The following PSMA1 variants were observed in gnomAD, a reference collection of about 807,000 sequenced individuals.
PSMA1 encodes proteasome 20S subunit alpha 1, also known as proteasome subunit alpha type-1.
In PSMA1, 3 loss-of-function variants were observed where a neutral mutation model predicts 38.4. That is an observed-to-expected ratio of 0.08 (90% CI 0.04 to 0.20). The LOEUF (loss-of-function observed/expected upper bound fraction) is 0.20, where lower values mean the gene tolerates loss of function less well. Ranked by LOEUF, PSMA1 falls within the 10% of genes least tolerant of loss-of-function variation. PSMA1 has a pLI of 1.00. For synonymous variants in PSMA1, 101 were observed against 107.1 expected, an observed-to-expected ratio of 0.94 and a Z score of 0.35; for missense variants, 227 against 325.3, an observed-to-expected ratio of 0.70 and a Z score of 2.32.
Position 14,584,493 on chromosome 11 carries a change from TTTTTTTG to T in PSMA1, c.21+26466_21+26472del, listed in dbSNP as rs1211103944. 6.0e-3 allele frequency among the ~76,000 whole-genome samples: 900 copies of T among 148,976 alleles called. 11 individuals carry two copies. The highest frequency in any genetic ancestry group is 0.02 in the African/African-American group (810 of 39,542). ...TATGTGATAATATGGTTTGGAGTGT[TTTTTTTG>T]TTTTTTGTTTTTTTTTTTTTTTTTT... On this transcript the variant is annotated intron_variant, in intron 2 of 10. Coordinates refer to the PSMA1 transcript ENST00000418988.
At chr11:14,511,098 A>G in intron 7 of PSMA1, 147 bp from the exon 8 acceptor site, 1 of 452,694 alleles carries the variant, frequency 2.2e-6, no homozygotes. Context: ...TGCTAGTCAT[A>G]TAATCTTTTA....
intron 1 of PSMA1, among the ~76,000 whole-genome samples, chr11:14,640,032 T>C (rs954833613): frequency 1.3e-5 from 2 of 152,176 alleles, no homozygotes. Flanking sequence ...ATCTTTGTCA[T>C]CTAGCACAGT....
chr11:14,567,766 C>A (rs186337147), intron 2 of PSMA1, among the ~76,000 whole-genome samples: 1 of 152,122 alleles, frequency 6.6e-6, no homozygotes, highest in African/African-American at 2.4e-5. Flanking sequence ...TTTAGTGCCA[C>A]GTTTTTCTCA....
exon 1 of PSMA1, chr11:14,643,525 G>C (rs569749084): frequency 6.6e-6 from 1 of 152,310 alleles, no homozygotes; most frequent in Non-Finnish European, 1.5e-5. Context: ...AGATGACCTC[G>C]TCCTTCTCTT....
Position 14,526,597 on chromosome 11 carries a change from T to C in PSMA1, c.22-7556A>G, listed in dbSNP as rs189895856. 5.3e-5 allele frequency among the ~76,000 whole-genome samples: 8 copies of C among 152,286 alleles called. No homozygotes were observed. In the East Asian group the frequency reaches 1.5e-3, roughly 29 times the overall value. ...TATTTTCTTCCTCACACCTGACGCA[T>C]ATACTTTCTGCTCCCCAGATCCTTC... is the stretch of plus-strand genomic sequence containing the variant. On this transcript the variant is annotated intron_variant, in intron 2 of 10. Coordinates refer to the PSMA1 transcript ENST00000418988.
At chr11:14,548,191 T>A (rs952117414) in intron 2 of PSMA1, among the ~76,000 whole-genome samples, 1 of 152,236 alleles carries the variant, frequency 6.6e-6, no homozygotes, top group Non-Finnish European at 1.5e-5. Context: ...TTTCTATTTA[T>A]TTATTTTTTA....
intron 1 of PSMA1, among the ~76,000 whole-genome samples, chr11:14,635,373 C>A (rs1020599114): frequency 2.0e-5 from 3 of 152,044 alleles, no homozygotes; most frequent in Non-Finnish European, 4.4e-5. Context: ...ATATAGTTAC[C>A]AAAGCACCAG....
At chr11:14,507,354 G>A (rs1851261102) in intron 9 of PSMA1, among the ~76,000 whole-genome samples, 1 of 152,044 alleles carries the variant, frequency 6.6e-6, no homozygotes, top group Non-Finnish European at 1.5e-5. Flanking sequence ...TTTTAGTAGA[G>A]ACGGGGTTTC....
chr11:14,623,430 T>C (rs1036103311), intron 1 of PSMA1, among the ~76,000 whole-genome samples: 4 of 152,184 alleles, frequency 2.6e-5, no homozygotes, highest in African/African-American at 7.2e-5. Context: ...CACCTAGTCA[T>C]TGACTTCTTG....
Position 14,513,562 on chromosome 11 carries a change from TC to T in PSMA1, c.544+7del. On this transcript the variant is annotated splice_region_variant and intron_variant, in intron 7 of 9. Transcript: ENST00000396394. The stretch of plus-strand genomic sequence containing the variant: ...AAAAAAAAAAAAAAAAGCAAGGCTG[TC>T]ACTTACACTCCATAAATTCAGACAT... 6.9e-7 allele frequency: 1 copy of T among 1,458,408 alleles called. No homozygotes were observed. 90.3% of individuals were successfully genotyped at this position (1,458,408 alleles called of 1,614,324 possible). A position where few individuals can be genotyped will look rare whatever the true frequency, so the allele number is the denominator to read the frequency against.
At chr11:14,556,672 A>AT (rs1022228370) in intron 2 of PSMA1, among the ~76,000 whole-genome samples, 4 of 151,910 alleles carry the variant, frequency 2.6e-5, no homozygotes, top group Non-Finnish European at 4.4e-5. Flanking sequence ...TTGAGAAAAA[A>AT]TTTTTTTGAC....
intron 1 of PSMA1, among the ~76,000 whole-genome samples, chr11:14,628,931 T>C (rs1235121386): frequency 3.0e-4 from 45 of 151,428 alleles, no homozygotes; most frequent in Non-Finnish European, 8.8e-5. Context: ...TGATGAGCAT[T>C]TTTTCATGTG....
Position 14,520,364 on chromosome 11 carries a change from G to C in PSMA1, c.-65C>G, listed in dbSNP as rs1851508832. On this transcript the variant is annotated 5_prime_UTR_variant, in exon 1 of 10. Coordinates refer to ENST00000396394, the MANE Select transcript of PSMA1 (RefSeq NM_002786.4). ...GAGAATCAAGGAGGTGCTGCCGAAAGTATCGCTCAGCGATCTACAGAGAAG... is the reference window on the plus strand; with the variant it reads ...GAGAATCAAGGAGGTGCTGCCGAAACTATCGCTCAGCGATCTACAGAGAAG... 1.2e-6 allele frequency: 2 copies of C among 1,614,068 alleles called. No individual in the cohort carries two copies. Among genetic ancestry groups the C allele is most frequent in the African/African-American group, 2.7e-5 (2 of 74,938 alleles).
At chr11:14,574,860 T>A (rs773729522) in intron 2 of PSMA1, among the ~76,000 whole-genome samples, 1 of 152,184 alleles carries the variant, frequency 6.6e-6, no homozygotes, top group Non-Finnish European at 1.5e-5. Context: ...AATGGACTTA[T>A]ACAGTAAATT....
chr11:14,546,727 C>T (rs954205613), intron 2 of PSMA1, among the ~76,000 whole-genome samples: 5 of 152,178 alleles, frequency 3.3e-5, no homozygotes. Flanking sequence ...TCAGCCACCA[C>T]ATCCAGCCCA....
intron 2 of PSMA1, among the ~76,000 whole-genome samples, chr11:14,601,823 C>T (rs1191757696): frequency 1.3e-5 from 2 of 152,124 alleles, no homozygotes; most frequent in African/African-American, 4.8e-5. Context: ...TACCTATGTA[C>T]ATAACAATTT....
intron 8 of PSMA1, among the ~76,000 whole-genome samples, chr11:14,508,041 G>A (rs1342279413): frequency 1.3e-5 from 2 of 152,060 alleles, no homozygotes; most frequent in Non-Finnish European, 2.9e-5. Flanking sequence ...AGGCTATAAA[G>A]TCTTCACATT....
chr11:14,622,583 C>T lies in PSMA1; in HGVS notation c.-165-11432G>A, dbSNP rs556670184. ...AGGAATGCAATGGTCATAAACATGACAAGATATCCCCTTCAAAGTAAAAGA... is the reference window on the plus strand; with the variant it reads ...AGGAATGCAATGGTCATAAACATGATAAGATATCCCCTTCAAAGTAAAAGA... On this transcript the variant is annotated intron_variant, in intron 1 of 10. Transcript: ENST00000418988. Among the ~76,000 whole-genome samples the T allele has an allele frequency of 6.6e-5, 10 of 152,322 alleles. No individual in the cohort carries two copies. The East Asian group carries it at 1.9e-3, about 29-fold the overall frequency.
chr11:14,639,542 CTTGT>C (rs1042050870), intron 1 of PSMA1, among the ~76,000 whole-genome samples: 40 of 152,154 alleles, frequency 2.6e-4, no homozygotes, highest in African/African-American at 9.4e-4. Flanking sequence ...AGAGAGAATT[CTTGT>C]TTGAAGAATA....
Sources: gnomAD v4.1 joint callset for allele counts (sites outside exome capture counted in the v4.1 genomes callset) on GRCh38, gnomAD v4.1.1 for gene constraint, MANE v1.5 for transcripts, NCBI Gene and HGNC (gene_info 2026-07-23, HGNC 2026-07-21) for gene names.